Variants in HTR3A observed in about 807,000 individuals in gnomAD.
HTR3A encodes the protein 5-hydroxytryptamine receptor 3A, also known as 5-hydroxytryptamine (serotonin) receptor 3A, ionotropic.
A neutral mutation model predicts 54.8 loss-of-function variants in HTR3A; 45 were observed. That is an observed-to-expected ratio of 0.82 (90% CI 0.65 to 1.05). The LOEUF is 1.05. HTR3A is among the 50% of genes least tolerant of loss of function. HTR3A has a pLI of 0.00. For synonymous variants in HTR3A, 297 were observed against 256.0 expected, an observed-to-expected ratio of 1.16 and a Z score of -1.53; for missense variants, 657 against 614.0, an observed-to-expected ratio of 1.07 and a Z score of -0.74.
chr11:113,986,110 G>A lies in HTR3A; in HGVS notation c.640G>A (p.Val214Met), dbSNP rs1565582184. 1 of 1,614,208 alleles carries A rather than the reference G, an allele frequency of 6.2e-7. No individual in the cohort carries two copies. Among genetic ancestry groups the A allele is most frequent in the Non-Finnish European group, 8.5e-7 (1 of 1,180,036 alleles). ...CCAGGGAGAGTGGGAGTTGCTGGGG[G>A]TGCTGCCCTACTTTCGGGAGTTCAG... ...MNQGEWELLG[V>M]LPYFREFSME... The change falls in exon 6 of 9, where the codon GTG becomes ATG. Residue 214 changes from valine (V) to methionine (M), a missense_variant. By Grantham distance (21) the Val-to-Met change is conservative. Coordinates refer to ENST00000504030, the MANE Select transcript of HTR3A (RefSeq NM_000869.6).
rs770202368 is a variant in HTR3A at position 113,986,819 on chromosome 11, G to T, written c.917-6G>T. 5.6e-6 allele frequency: 9 copies of T among 1,613,908 alleles called. No homozygotes were observed. The highest frequency in any genetic ancestry group is 6.8e-6 in the Non-Finnish European group (8 of 1,179,950). On this transcript the variant is annotated splice_region_variant and splice_polypyrimidine_tract_variant and intron_variant, in intron 7 of 8. Coordinates refer to ENST00000504030, the MANE Select transcript of HTR3A (RefSeq NM_000869.6). Reference sequence around the variant, plus strand: ...GTGTCTCTTGCCTCTGCCCTGGGCTGCACAGGTGTCTACTTTGTGGTGTGC... The same window carrying T: ...GTGTCTCTTGCCTCTGCCCTGGGCTTCACAGGTGTCTACTTTGTGGTGTGC...
Position 113,986,236 on chromosome 11 carries a change from G to A in HTR3A, c.705+61G>A, listed in dbSNP as rs574978873. 2.9e-4 allele frequency: 469 copies of A among 1,599,138 alleles called. 4 individuals carry two copies. The South Asian group carries it at 4.7e-3, about 16-fold the overall frequency. On this transcript the variant is annotated intron_variant, in intron 6 of 8. Coordinates refer to ENST00000504030, the MANE Select transcript of HTR3A (RefSeq NM_000869.6). ...AAGCTTCACATCCAGGTAGACTTAA[G>A]GAGGCATACTGGGAGAACTTCTATA...
chr11:113,985,962 C>T (rs1310762623), intron 5 of HTR3A, 53 bp from the exon 6 acceptor site: 2 of 1,605,180 alleles, frequency 1.2e-6, no homozygotes, highest in Non-Finnish European at 1.7e-6. Context: ...TCACAGGGTC[C>T]AGCAGGCTCT....
intron 8 of HTR3A, among the ~76,000 whole-genome samples, chr11:113,988,864 G>A (rs1207152870): frequency 6.6e-6 from 1 of 152,144 alleles, no homozygotes; most frequent in Admixed American, 6.5e-5. Flanking sequence ...ATGAAATAAT[G>A]TGTATCAGAT....
In HTR3A at chr11:113,989,666, C is replaced by T. The variant is rs748387414; in HGVS notation, c.1340C>T (p.Ser447Phe). 7.4e-6 allele frequency: 12 copies of T among 1,614,022 alleles called. No homozygotes were observed. The highest frequency in any genetic ancestry group is 1.3e-5 in the African/African-American group (1 of 74,936). The stretch of plus-strand genomic sequence containing the variant: ...GCCCGAGACTGGCTGCGCGTGGGCT[C>T]CGTGCTGGACAAGCTGCTATTCCAC... ...EVARDWLRVG[S>F]VLDKLLFHIY... Residue 447 changes from serine to phenylalanine, a missense_variant, in exon 9 of 9, where the codon TCC becomes TTC. Physicochemically the swap from Ser to Phe is radical, Grantham distance 155 (BLOSUM62 -2). Transcript: ENST00000504030. This position sits in a 1 kb window ranked among gnomAD's most constrained non-coding sequence, Gnocchi z 4.4.
chr11:113,977,423 G>C, intron 1 of HTR3A: 1 of 807,142 alleles, frequency 1.2e-6, no homozygotes. Context: ...CTTCCTTGTT[G>C]CTCCCCAGAG....
chr11:113,988,139 G>A (rs1950513828), intron 8 of HTR3A, among the ~76,000 whole-genome samples: 1 of 152,242 alleles, frequency 6.6e-6, no homozygotes, highest in Non-Finnish European at 1.5e-5. Flanking sequence ...CTCCTGACTA[G>A]GGCCAGGCCC....
In HTR3A at chr11:113,989,350, G is replaced by A; in HGVS notation, c.1139-115G>A. The A allele has an allele frequency of 3.4e-6, 4 of 1,176,982 alleles. No homozygotes were observed. Among genetic ancestry groups the A allele is most frequent in the Non-Finnish European group, 5.0e-6 (4 of 793,528 alleles). The allele number at this position is 1,176,982 out of a possible 1,614,324, so 72.9% of individuals were successfully genotyped here. Reference sequence around the variant, plus strand: ...TGCCCTCCAGCCTGGGTGACAGAGTGAGAAAAAAAAAGTTATTCCCAACAA... The same window carrying A: ...TGCCCTCCAGCCTGGGTGACAGAGTAAGAAAAAAAAAGTTATTCCCAACAA... On this transcript the variant is annotated intron_variant, in intron 8 of 8. Transcript: ENST00000504030. The surrounding 1 kb of genome is among the most constrained non-coding windows in gnomAD (Gnocchi z 4.4).
chr11:113,986,458 G>T (rs946175079), intron 6 of HTR3A, 60 bp from the exon 7 acceptor site: 1 of 1,579,162 alleles, frequency 6.3e-7, no homozygotes. Context: ...CTTGTGGGGT[G>T]GTTCCTGGGA....
At chr11:113,978,707 T>C (rs12808576) in intron 2 of HTR3A, among the ~76,000 whole-genome samples, 1,824 of 152,294 alleles carry the variant, frequency 0.012, 16 homozygotes, top group Non-Finnish European at 0.021. Flanking sequence ...TAAATCACTG[T>C]TGGCAGAGCA....
Position 113,990,260 on chromosome 11 carries a change from C to T in HTR3A, c.*497C>T, listed in dbSNP as rs563031726. On this transcript the variant is annotated 3_prime_UTR_variant, in exon 9 of 9. Coordinates refer to ENST00000504030, the MANE Select transcript of HTR3A (RefSeq NM_000869.6). ...ACTTGTGGCAGCTTCCCTGAACACT[C>T]ATCCCCCATCAGATGATGGGAGTGG... The T allele has an allele frequency of 2.8e-4, 128 of 451,870 alleles. No individual in the cohort carries two copies. The highest frequency in any genetic ancestry group is 7.0e-4 in the Middle Eastern group (1 of 1,438). 28.0% of individuals were successfully genotyped at this position (451,870 alleles called of 1,614,324 possible). A position where few individuals can be genotyped will look rare whatever the true frequency, so the allele number is the denominator to read the frequency against.
intron 1 of HTR3A, chr11:113,977,407 A>G: frequency 1.4e-6 from 1 of 692,734 alleles, no homozygotes; most frequent in Non-Finnish European, 2.4e-6. Context: ...ATACCCTGAG[A>G]GCCAGCTTCC....
rs1324146759 is a variant in HTR3A at position 113,975,379 on chromosome 11, G to T, written c.54G>T (p.Leu18=). Reference sequence around the variant, plus strand: ...TCGCCTTGCTCCTCCCCACACTCCTGGCACAGGGAGAAGGTAAGCAGACTT... The same window carrying T: ...TCGCCTTGCTCCTCCCCACACTCCTTGCACAGGGAGAAGGTAAGCAGACTT... ...ALLALLLPTL[L]AQGEARRSRN... is the part of the protein sequence containing the mutation. Residue 18 remains leucine, a synonymous_variant, in exon 1 of 9, where the codon CTG becomes CTT. Transcript: ENST00000504030. 4.3e-6 allele frequency: 7 copies of T among 1,612,388 alleles called. No homozygotes were observed. The highest frequency in any genetic ancestry group is 1.1e-5 in the South Asian group (1 of 91,068).
intron 2 of HTR3A, among the ~76,000 whole-genome samples, chr11:113,978,757 G>A (rs1323619597): frequency 6.6e-6 from 1 of 152,124 alleles, no homozygotes; most frequent in Non-Finnish European, 1.5e-5. Context: ...TTGGGAAGCC[G>A]AGGTGGGCAG....
intron 1 of HTR3A, among the ~76,000 whole-genome samples, chr11:113,976,443 G>A (rs977173567): frequency 6.6e-6 from 1 of 152,048 alleles, no homozygotes; most frequent in Admixed American, 6.6e-5. Flanking sequence ...CACTTGCAGA[G>A]CAAGGTGCTC....
chr11:113,979,669 C>G (rs1950397801), intron 3 of HTR3A, among the ~76,000 whole-genome samples: 2 of 152,264 alleles, frequency 1.3e-5, no homozygotes, highest in Middle Eastern at 3.4e-3. Flanking sequence ...ATGGTTCGTT[C>G]CATCCACTTA....
chr11:113,979,898 C>T (rs185649782), intron 3 of HTR3A, among the ~76,000 whole-genome samples: 34 of 152,256 alleles, frequency 2.2e-4, no homozygotes, highest in African/African-American at 8.2e-4. Flanking sequence ...GCTGAACACA[C>T]GGAGGCAGAA....
chr11:113,989,600 TC>T lies in HTR3A; in HGVS notation c.1276del (p.Arg426GlyfsTer34), dbSNP rs1950528246. The T allele has an allele frequency of 6.2e-7, 1 of 1,614,170 alleles. No homozygotes were observed. The highest frequency in any genetic ancestry group is 1.1e-5 in the South Asian group (1 of 91,080). On this transcript the variant is annotated frameshift_variant, in exon 9 of 9. Transcript: ENST00000504030. LOFTEE classifies it high-confidence loss of function. The surrounding 1 kb of genome is among the most constrained non-coding windows in gnomAD (Gnocchi z 4.4). The stretch of plus-strand genomic sequence containing the variant: ...GGGCTGCTGCAGGAGCTGTCCTCCA[TC>T]CGGCAATTCCTGGAAAAGCGGGATG... ...VCGLLQELSS[I>X]RQFLEKRDEI...
At chr11:113,983,020 C>T in intron 4 of HTR3A, 100 bp from the exon 5 acceptor site, 1 of 1,382,670 alleles carries the variant, frequency 7.2e-7, no homozygotes, top group Non-Finnish European at 1.0e-6. Context: ...CCTATACCCT[C>T]CCCGAACTTC....
Sources: gnomAD v4.1 joint callset for allele counts (sites outside exome capture counted in the v4.1 genomes callset) on GRCh38, gnomAD v4.1.1 for gene constraint, Gnocchi (gnomAD v3.1) non-coding constraint, MANE v1.5 for transcripts, NCBI Gene and HGNC (gene_info 2026-07-23, HGNC 2026-07-21) for gene names.